Variants in RELN observed in about 807,000 individuals in gnomAD.
RELN encodes the protein reelin.
A neutral mutation model predicts 427.6 loss-of-function variants in RELN; 108 were observed. The observed-to-expected ratio is 0.25, with a 90% CI of 0.22 to 0.30. The LOEUF is 0.30. RELN is among the 10% of genes least tolerant of loss of function. The probability of loss-of-function intolerance (pLI) is 1.00; values close to 1 mark genes in which losing one functional copy is unlikely to be tolerated. For synonymous variants in RELN, 1,524 were observed against 1,513.4 expected, an observed-to-expected ratio of 1.01 and a Z score of -0.16; for missense variants, 3,715 against 4,302.8, an observed-to-expected ratio of 0.86 and a Z score of 3.82.
chr7:103,965,058 A>G (rs1378726920), intron 1 of RELN, among the ~76,000 whole-genome samples: 2 of 152,262 alleles, frequency 1.3e-5, no homozygotes, highest in Non-Finnish European at 2.9e-5. Flanking sequence ...ATAAAAAGGT[A>G]AAATTTAATA....
intron 36 of RELN, among the ~76,000 whole-genome samples, chr7:103,559,283 T>TG (rs996432269): frequency 2.6e-5 from 4 of 152,214 alleles, no homozygotes; most frequent in Non-Finnish European, 1.5e-5. Context: ...TCTTTTGGTT[T>TG]GGGGAGAAAA....
intron 60 of RELN, 71 bp downstream of exon 60, chr7:103,489,671 T>C: frequency 6.5e-7 from 1 of 1,548,818 alleles, no homozygotes; most frequent in Admixed American, 1.8e-5. Flanking sequence ...CTAGTGGACT[T>C]TTGTATATAT....
At chr7:103,544,353 C>T (rs1479367405) in intron 42 of RELN, among the ~76,000 whole-genome samples, 2 of 146,048 alleles carry the variant, frequency 1.4e-5, no homozygotes, top group Admixed American at 7.2e-5. Context: ...AATCACCTCC[C>T]GAGTAGCTGG....
At chr7:103,977,692 CCTT>C (rs747889991) in intron 1 of RELN, among the ~76,000 whole-genome samples, 13 of 152,202 alleles carry the variant, frequency 8.5e-5, no homozygotes, top group Non-Finnish European at 1.6e-4. Context: ...TTGACCACTC[CCTT>C]CTCCTTGAGA....
intron 20 of RELN, among the ~76,000 whole-genome samples, chr7:103,629,475 T>A (rs1044162754): frequency 5.3e-5 from 8 of 152,150 alleles, no homozygotes; most frequent in Non-Finnish European, 1.0e-4. Flanking sequence ...TAAAAATACT[T>A]CTGGGGACTT....
chr7:103,929,825 T>C (rs1316861094), intron 1 of RELN, among the ~76,000 whole-genome samples: 1 of 152,214 alleles, frequency 6.6e-6, no homozygotes. Flanking sequence ...TGACTTCAGC[T>C]GGCACAAGCA....
chr7:103,699,030 T>C (rs1262485682), intron 9 of RELN, among the ~76,000 whole-genome samples: 4 of 152,212 alleles, frequency 2.6e-5, no homozygotes, highest in African/African-American at 9.6e-5. Context: ...AAAAACATGA[T>C]ATAACATGAT....
chr7:103,788,371 T>C (rs890119675), intron 3 of RELN, among the ~76,000 whole-genome samples: 5 of 152,158 alleles, frequency 3.3e-5, no homozygotes, highest in African/African-American at 4.8e-5. Context: ...ATAAAGGGTA[T>C]TCAATTAGGA....
chr7:103,746,106 A>G (rs1790819761), intron 6 of RELN, among the ~76,000 whole-genome samples: 1 of 152,138 alleles, frequency 6.6e-6, no homozygotes, highest in African/African-American at 2.4e-5. Context: ...CCTCAGAAAT[A>G]ATGCTGCATA....
chr7:103,554,387 G>A (rs939742543), intron 38 of RELN, among the ~76,000 whole-genome samples: 8 of 151,050 alleles, frequency 5.3e-5, no homozygotes, highest in African/African-American at 1.9e-4. Flanking sequence ...GCAAAACCTC[G>A]TCTCTATAAA....
intron 2 of RELN, among the ~76,000 whole-genome samples, chr7:103,907,415 G>GAGGAAAA (rs1491587957): frequency 2.3e-5 from 1 of 44,080 alleles, no homozygotes; most frequent in Admixed American, 3.5e-4. Flanking sequence ...CAAGGCTCTG[G>GAGGAAAA]AAAAAAAAAA....
At chr7:103,532,965 G>C (rs1278617460) in intron 46 of RELN, among the ~76,000 whole-genome samples, 1 of 152,176 alleles carries the variant, frequency 6.6e-6, no homozygotes, top group Non-Finnish European at 1.5e-5. Context: ...TCAGGGATCA[G>C]TTCAGCTCCC....
At chr7:103,871,818 G>C (rs1237306303) in intron 2 of RELN, among the ~76,000 whole-genome samples, 1 of 152,068 alleles carries the variant, frequency 6.6e-6, no homozygotes, top group Non-Finnish European at 1.5e-5. Flanking sequence ...CTTTGGAAGA[G>C]AGGGCAATCC....
intron 20 of RELN, 100 bp from the exon 21 acceptor site, chr7:103,611,903 T>G: frequency 1.0e-6 from 1 of 971,356 alleles, no homozygotes; most frequent in Admixed American, 2.0e-5. Context: ...TAATTTCATT[T>G]TACTTGTTTA....
chr7:103,923,535 C>T (rs183859097), intron 1 of RELN, among the ~76,000 whole-genome samples: 1 of 152,172 alleles, frequency 6.6e-6, no homozygotes, highest in East Asian at 1.9e-4. Context: ...GGACATGAAT[C>T]CATAGAAATG....
chr7:103,879,629 T>C (rs1404292883), intron 2 of RELN, among the ~76,000 whole-genome samples: 2 of 152,162 alleles, frequency 1.3e-5, no homozygotes, highest in Non-Finnish European at 2.9e-5. Flanking sequence ...TTCCAAACAC[T>C]GACCAGGCCA....
At chr7:103,698,228 C>G in intron 9 of RELN, 135 bp from the exon 10 acceptor site, 1 of 1,091,382 alleles carries the variant, frequency 9.2e-7, no homozygotes, top group Non-Finnish European at 1.4e-6. Context: ...GCTACAATCT[C>G]ATAGCCCTTA....
chr7:103,530,583 T>A (rs765654001), intron 46 of RELN, among the ~76,000 whole-genome samples: 3 of 152,212 alleles, frequency 2.0e-5, no homozygotes, highest in Non-Finnish European at 2.9e-5. Context: ...ATGCTTGCTA[T>A]AAGTTAACCC....
rs758492473 is a variant in RELN at position 103,540,208 on chromosome 7, C to T, written c.6919G>A (p.Val2307Ile). 1 of 1,614,186 alleles carries T rather than the reference C, an allele frequency of 6.2e-7. No individual in the cohort carries two copies. Among genetic ancestry groups the T allele is most frequent in the South Asian group, 1.1e-5 (1 of 91,086 alleles). The change falls in exon 44 of 65, where the codon GTT becomes ATT. Residue 2307 changes from valine to isoleucine, a missense_variant. By Grantham distance (29) the Val-to-Ile change is conservative. Around this residue, in one of 4 missense-constraint regions of RELN, gnomAD observed 1,310 missense variants for 1,643.0 expected, o/e 0.80. Coordinates refer to ENST00000428762, the MANE Select transcript of RELN (RefSeq NM_005045.4). Reference protein sequence around the residue: ...SENGHFYSPWVIDQILIGGNI... With the variant: ...SENGHFYSPWIIDQILIGGNI... ...CTGAAGGGACTGACCTGATCGATAACCCAGGGGCTGTAGAAGTGCCCATTC... is the reference window on the plus strand; with the variant it reads ...CTGAAGGGACTGACCTGATCGATAATCCAGGGGCTGTAGAAGTGCCCATTC...
Sources: gnomAD v4.1 joint callset for allele counts (sites outside exome capture counted in the v4.1 genomes callset) on GRCh38, gnomAD v4.1.1 for gene constraint, gnomAD v4.1.1 regional missense constraint, MANE v1.5 for transcripts, NCBI Gene and HGNC (gene_info 2026-07-23, HGNC 2026-07-21) for gene names.